PBX4: variants seen among roughly 807,000 people sequenced by gnomAD.
PBX4 encodes the protein PBX homeobox 4, also known as pre-B-cell leukemia transcription factor 4.
A neutral mutation model predicts 35.1 loss-of-function variants in PBX4; 26 were observed. The observed-to-expected ratio is 0.74, with a 90% confidence interval of 0.54 to 1.03. The LOEUF (loss-of-function observed/expected upper bound fraction) is 1.03, where lower values mean the gene tolerates loss of function less well. PBX4 is among the 50% of genes least tolerant of loss of function. The pLI, the probability that PBX4 is intolerant of heterozygous loss-of-function variation, is 0.00. For missense variants in PBX4, 448 were observed against 504.3 expected, an observed-to-expected ratio of 0.89 and a Z score of 1.07; for synonymous variants, 199 against 204.2, an observed-to-expected ratio of 0.97 and a Z score of 0.22.
chr19:19,601,768 G>A (rs958781836), intron 1 of PBX4, among the ~76,000 whole-genome samples: 5 of 152,178 alleles, frequency 3.3e-5, no homozygotes, highest in African/African-American at 1.2e-4. Flanking sequence ...TCAACAGGCT[G>A]GAAAAGGCAA....
At position 19,570,116 on chromosome 19, in the gene PBX4, C is replaced by T. The variant is rs769287977; in HGVS notation, c.625G>A (p.Asp209Asn). 13 of 1,601,024 alleles carry T rather than the reference C, an allele frequency of 8.1e-6. No individual in the cohort carries two copies. Among genetic ancestry groups the T allele is most frequent in the South Asian group, 7.8e-5 (7 of 89,424 alleles). Residue 209 changes from aspartate to asparagine, a missense_variant, in exon 4 of 8, where the codon GAT (aspartate) becomes AAT (asparagine). Transcript: ENST00000251203. The part of the protein sequence containing the change: ...AVMTLRSRLL[D>N]ARRKRRNFSK... ...GTACGTACAGGCCCTGACCTGGCAT[C>T]GAGCAGCCGCGAACGCAGGGTCATC...
chr19:19,609,364 A>G (rs1220993786), intron 1 of PBX4, among the ~76,000 whole-genome samples: 1 of 151,820 alleles, frequency 6.6e-6, no homozygotes, highest in Non-Finnish European at 1.5e-5. Flanking sequence ...AGCCTGACCA[A>G]CATGGAGAAA....
chr19:19,595,471 T>C (rs2061555448), intron 2 of PBX4, among the ~76,000 whole-genome samples: 1 of 152,118 alleles, frequency 6.6e-6, no homozygotes, highest in Admixed American at 6.6e-5. Context: ...TTAAAACCAG[T>C]TCACCGCTAA....
In PBX4 at chr19:19,579,074, G is replaced by C. The variant is rs191621521; in HGVS notation, c.194-8241C>G. 7.9e-5 allele frequency among the ~76,000 whole-genome samples: 12 copies of C among 152,286 alleles called. No individual in the cohort carries two copies. The East Asian group carries it at 2.3e-3, about 29-fold the overall frequency. On this transcript the variant is annotated intron_variant, in intron 2 of 7. Coordinates refer to ENST00000251203, the MANE Select transcript of PBX4 (RefSeq NM_025245.3). ...TTTGTAAACCACCCAGTCTGGGCCG[G>C]GCGTGGTGGCTCATACCTGTAATCC...
chr19:19,603,173 C>A (rs898107000), intron 1 of PBX4, among the ~76,000 whole-genome samples: 4 of 152,192 alleles, frequency 2.6e-5, no homozygotes, highest in Non-Finnish European at 5.9e-5. Context: ...TGTGCCCCCT[C>A]CTCTGGAGCT....
chr19:19,566,590 T>C (rs2061343426), intron 5 of PBX4, among the ~76,000 whole-genome samples: 1 of 151,810 alleles, frequency 6.6e-6, no homozygotes, highest in African/African-American at 2.4e-5. Context: ...AGCGGTGCGA[T>C]CTCAGCTCAC....
intron 1 of PBX4, among the ~76,000 whole-genome samples, chr19:19,612,922 G>C (rs952015130): frequency 6.6e-6 from 1 of 151,622 alleles, no homozygotes; most frequent in African/African-American, 2.4e-5. Context: ...GGGTTCAATC[G>C]GTTCTCCTGC....
chr19:19,601,403 C>A (rs1338531544), intron 1 of PBX4, among the ~76,000 whole-genome samples: 1 of 152,058 alleles, frequency 6.6e-6, no homozygotes, highest in African/African-American at 2.4e-5. Flanking sequence ...ACTCTAAGGG[C>A]CTTGAAAGTC....
intron 1 of PBX4, among the ~76,000 whole-genome samples, chr19:19,609,859 TAAAG>T (rs751967418): frequency 2.0e-5 from 3 of 151,564 alleles, no homozygotes; most frequent in African/African-American, 4.9e-5. Flanking sequence ...TCAAAAAAAC[TAAAG>T]AAAGAAAGAA....
In PBX4 at chr19:19,563,404, G is replaced by A. The variant is rs1407782816; in HGVS notation, c.1032+105C>T. The A allele has an allele frequency of 1.2e-5, 10 of 866,384 alleles. No individual in the cohort carries two copies. The Admixed American group carries it at 1.4e-4, about 12-fold the overall frequency. The allele number at this position is 866,384 out of a possible 1,614,324, so 53.7% of individuals were successfully genotyped here. ...GCAGCATGGCCTGTGTGGCTGCTGG[G>A]ACCTCTGGGGAAGCTGCCCCAAGGC... On this transcript the variant is annotated intron_variant, in intron 7 of 7. Transcript: ENST00000251203. This position sits in a 1 kb window ranked among gnomAD's most constrained non-coding sequence, Gnocchi z 5.1.
chr19:19,592,091 C>T (rs969484065), intron 2 of PBX4, among the ~76,000 whole-genome samples: 1 of 152,084 alleles, frequency 6.6e-6, no homozygotes, highest in African/African-American at 2.4e-5. Context: ...CCATATTGGC[C>T]AGGCTGGTCT....
At chr19:19,593,111 T>A (rs1247235965) in intron 2 of PBX4, among the ~76,000 whole-genome samples, 1 of 152,222 alleles carries the variant, frequency 6.6e-6, no homozygotes. Context: ...TTGTTGTTGT[T>A]GTAGAGACAG....
At chr19:19,593,537 A>T (rs2061541652) in intron 2 of PBX4, among the ~76,000 whole-genome samples, 1 of 152,154 alleles carries the variant, frequency 6.6e-6, no homozygotes, top group Non-Finnish European at 1.5e-5. Context: ...CCTGACATCA[A>T]GGCAGGTGGC....
At chr19:19,581,595 C>A (rs914849651) in intron 2 of PBX4, among the ~76,000 whole-genome samples, 1 of 152,194 alleles carries the variant, frequency 6.6e-6, no homozygotes. Flanking sequence ...AGAGCGCCTG[C>A]TCCAGCACTT....
chr19:19,582,413 C>T (rs1031709095), intron 2 of PBX4, among the ~76,000 whole-genome samples: 1 of 152,148 alleles, frequency 6.6e-6, no homozygotes, highest in Non-Finnish European at 1.5e-5. Flanking sequence ...GAGGAACACA[C>T]CAGCAGAAGA....
At position 19,606,173 on chromosome 19, in the gene PBX4, T is replaced by C. The variant is rs985268214; in HGVS notation, c.120-6808A>G. Among the ~76,000 whole-genome samples, 28 of 152,184 alleles carry C rather than the reference T, an allele frequency of 1.8e-4. 1 individual carries two copies. Among genetic ancestry groups the C allele is most frequent in the Admixed American group, 7.2e-4 (11 of 15,272 alleles). Reference sequence around the variant, plus strand: ...TTGAGTTCAGGAAGTACCTGTGACTTGCAATGTGCCAAAGGTGATGGTATC... The same window carrying C: ...TTGAGTTCAGGAAGTACCTGTGACTCGCAATGTGCCAAAGGTGATGGTATC... On this transcript the variant is annotated intron_variant, in intron 1 of 7. Coordinates refer to ENST00000251203, the MANE Select transcript of PBX4 (RefSeq NM_025245.3).
intron 5 of PBX4, among the ~76,000 whole-genome samples, chr19:19,566,454 C>T (rs1020746526): frequency 2.6e-5 from 4 of 152,182 alleles, no homozygotes; most frequent in Non-Finnish European, 5.9e-5. Context: ...TATCCCAAAG[C>T]AAGTAAAATA....
chr19:19,579,537 C>T (rs1042177803), intron 2 of PBX4, among the ~76,000 whole-genome samples: 3 of 152,232 alleles, frequency 2.0e-5, no homozygotes, highest in African/African-American at 7.2e-5. Flanking sequence ...ACCCACTCAG[C>T]AGTGCTCTCA....
chr19:19,561,989 G>A lies in PBX4; in HGVS notation c.*36C>T, dbSNP rs2061308947. 5 of 1,556,608 alleles carry A rather than the reference G, an allele frequency of 3.2e-6. No homozygotes were observed. Among genetic ancestry groups the A allele is most frequent in the Non-Finnish European group, 4.4e-6 (5 of 1,136,646 alleles). On this transcript the variant is annotated 3_prime_UTR_variant, in exon 8 of 8. Transcript: ENST00000251203. ...AAGCAACGGCTGGCGATACATGGCA[G>A]CTCACGCAGCGCTCTTTCCTGCTTA...
Sources: allele counts gnomAD v4.1 joint callset (sites outside exome capture counted in the v4.1 genomes callset), GRCh38; gene constraint gnomAD v4.1.1; non-coding constraint Gnocchi (gnomAD v3.1); transcripts MANE v1.5; gene names NCBI Gene and HGNC (gene_info 2026-07-23, HGNC 2026-07-21).